CDH4: variants seen among roughly 807,000 people sequenced by gnomAD.
CDH4 encodes the protein cadherin-4.
CDH4 carries 33 observed loss-of-function variants against 86.0 expected under a neutral mutation model. That is an observed-to-expected ratio of 0.38 (90% CI 0.29 to 0.51). The LOEUF (loss-of-function observed/expected upper bound fraction) is 0.51. Ranked by LOEUF, CDH4 falls within the 20% of genes least tolerant of loss-of-function variation. CDH4 has a pLI of 0.86. For synonymous variants in CDH4, 555 were observed against 549.4 expected (o/e 1.01, Z -0.14); for missense variants, 1,114 against 1,307.4 (o/e 0.85, Z 2.28).
At chr20:61,440,551 G>A (rs2085308634) in intron 2 of CDH4, among the ~76,000 whole-genome samples, 1 of 152,064 alleles carries the variant, frequency 6.6e-6, no homozygotes, top group Non-Finnish European at 1.5e-5. Context: ...TTGTTTTTTG[G>A]ATATGAAGTG....
At chr20:61,725,259 G>A (rs143285630) in intron 2 of CDH4, among the ~76,000 whole-genome samples, 14 of 152,102 alleles carry the variant, frequency 9.2e-5, no homozygotes, top group South Asian at 8.4e-4. Context: ...TGCACACACC[G>A]CAGCGTAGGA....
intron 2 of CDH4, among the ~76,000 whole-genome samples, chr20:61,431,044 C>T (rs920152113): frequency 6.6e-6 from 1 of 152,230 alleles, no homozygotes; most frequent in African/African-American, 2.4e-5. Flanking sequence ...GACTGTGTTG[C>T]TGTGTGTTTC....
intron 6 of CDH4, among the ~76,000 whole-genome samples, chr20:61,856,875 C>T (rs1983038372): frequency 6.6e-6 from 1 of 152,238 alleles, no homozygotes; most frequent in Admixed American, 6.5e-5. Context: ...GAAGTGCAGG[C>T]AGGGCTGGCA....
At chr20:61,838,530 G>A (rs894786749) in intron 4 of CDH4, among the ~76,000 whole-genome samples, 9 of 152,060 alleles carry the variant, frequency 5.9e-5, no homozygotes, top group Non-Finnish European at 1.0e-4. Context: ...TGCCTCTCTC[G>A]GCCAGGCACG....
chr20:61,796,111 G>A (rs1469508468), intron 4 of CDH4, among the ~76,000 whole-genome samples: 1 of 152,132 alleles, frequency 6.6e-6, no homozygotes, highest in African/African-American at 2.4e-5. Flanking sequence ...CCGGACCGCT[G>A]CCTCCTCACC....
intron 2 of CDH4, among the ~76,000 whole-genome samples, chr20:61,395,844 G>A (rs967360678): frequency 6.6e-6 from 1 of 152,168 alleles, no homozygotes; most frequent in African/African-American, 2.4e-5. Flanking sequence ...TTGCTATCGG[G>A]GTATTATCTG....
At chr20:61,574,142 G>A (rs1300642610) in intron 2 of CDH4, among the ~76,000 whole-genome samples, 1 of 152,232 alleles carries the variant, frequency 6.6e-6, no homozygotes, top group African/African-American at 2.4e-5. Flanking sequence ...CCTGGAGCTT[G>A]CTGGGCGTGG....
At chr20:61,612,611 T>G (rs1339465902) in intron 2 of CDH4, among the ~76,000 whole-genome samples, 1 of 152,120 alleles carries the variant, frequency 6.6e-6, no homozygotes, top group Non-Finnish European at 1.5e-5. Flanking sequence ...CCATCCTTCC[T>G]GCTGAGGCCC....
chr20:61,525,188 C>G (rs2085901337), intron 2 of CDH4, among the ~76,000 whole-genome samples: 1 of 152,162 alleles, frequency 6.6e-6, no homozygotes, highest in Non-Finnish European at 1.5e-5. Flanking sequence ...TAATTTAGCT[C>G]AGCTGGAAGG....
At chr20:61,572,988 AGACG>A (rs374461378) in intron 2 of CDH4, among the ~76,000 whole-genome samples, 9,022 of 145,088 alleles carry the variant, frequency 0.062, 535 homozygotes, top group African/African-American at 0.16. Flanking sequence ...ATGGACGGAT[AGACG>A]GACGGACGGA....
intron 13 of CDH4, among the ~76,000 whole-genome samples, chr20:61,930,301 G>A (rs1177304822): frequency 6.6e-5 from 10 of 152,262 alleles, no homozygotes; most frequent in Admixed American, 6.5e-4. Context: ...AAGCAATGGA[G>A]TGTTCTCACT....
chr20:61,271,530 G>T (rs1470145381), intron 2 of CDH4, among the ~76,000 whole-genome samples: 2 of 152,206 alleles, frequency 1.3e-5, no homozygotes, highest in South Asian at 2.1e-4. Context: ...CTGTGGGCTG[G>T]CACGGAGCCA....
chr20:61,334,655 C>T (rs759390665), intron 2 of CDH4, among the ~76,000 whole-genome samples: 25 of 152,184 alleles, frequency 1.6e-4, no homozygotes, highest in Non-Finnish European at 7.3e-5. Flanking sequence ...CCAAAGGTCC[C>T]GCCTCTTTGT....
At chr20:61,901,773 C>G (rs1412524738) in intron 8 of CDH4, among the ~76,000 whole-genome samples, 1 of 152,210 alleles carries the variant, frequency 6.6e-6, no homozygotes, top group Non-Finnish European at 1.5e-5. Context: ...CACGCTGGCC[C>G]ATGGGGTTGG....
At chr20:61,372,011 C>T (rs1177078711) in intron 2 of CDH4, among the ~76,000 whole-genome samples, 5 of 152,226 alleles carry the variant, frequency 3.3e-5, no homozygotes, top group Non-Finnish European at 7.3e-5. Context: ...AACACGTGCA[C>T]ATTCCAGGCT....
chr20:61,350,700 G>GC (rs1423285899), intron 2 of CDH4, among the ~76,000 whole-genome samples: 1 of 99,704 alleles, frequency 1.0e-5, no homozygotes, highest in Non-Finnish European at 2.0e-5. Context: ...CTCCCACCCA[G>GC]CATCAGGCAG....
Position 61,608,241 on chromosome 20 carries a change from G to C in CDH4, c.170-135322G>C, listed in dbSNP as rs189177612. ...CAACCAGCATGCATAATTTGGCTGA[G>C]AGCAAATTTATTTCTAAGCCACGCA... is the stretch of plus-strand genomic sequence containing the variant. On this transcript the variant is annotated intron_variant, in intron 2 of 15. Coordinates refer to ENST00000614565, the MANE Select transcript of CDH4 (RefSeq NM_001794.5). 1.2e-3 allele frequency among the ~76,000 whole-genome samples: 185 copies of C among 152,218 alleles called. 2 individuals are homozygous for C. In the Middle Eastern group the frequency reaches 0.014, roughly 11 times the overall value.
intron 4 of CDH4, among the ~76,000 whole-genome samples, chr20:61,798,458 A>G (rs547276267): frequency 6.6e-6 from 1 of 152,326 alleles, no homozygotes; most frequent in East Asian, 1.9e-4. Flanking sequence ...GGTGTGGTCC[A>G]GAGCGTGGCC....
intron 3 of CDH4, among the ~76,000 whole-genome samples, chr20:61,751,833 C>G (rs1453412181): frequency 6.6e-6 from 1 of 152,116 alleles, no homozygotes; most frequent in African/African-American, 2.4e-5. Context: ...TGATGCTGGG[C>G]CAATGGGGCA....
Sources: allele counts gnomAD v4.1 joint callset (sites outside exome capture counted in the v4.1 genomes callset), GRCh38; gene constraint gnomAD v4.1.1; transcripts MANE v1.5; gene names NCBI Gene and HGNC (gene_info 2026-07-23, HGNC 2026-07-21).